The following PHB2 variants were observed in gnomAD, a reference collection of about 807,000 sequenced individuals.
The protein encoded by PHB2 is prohibitin 2, also known as prohibitin-2.
In PHB2, 22 loss-of-function variants were observed where a neutral mutation model predicts 46.4. That is an observed-to-expected ratio of 0.47 (90% confidence interval 0.34 to 0.68). The LOEUF (loss-of-function observed/expected upper bound fraction) is 0.68, where lower values mean the gene tolerates loss of function less well. Among genes scored for constraint, PHB2 ranks in the 30% least tolerant of loss-of-function variants. PHB2 has a pLI of 0.01. For missense variants in PHB2, 305 were observed against 382.8 expected, an observed-to-expected ratio of 0.80 and a Z score of 1.70; for synonymous variants, 156 against 150.5, an observed-to-expected ratio of 1.04 and a Z score of -0.27.
At position 6,968,568 on chromosome 12, in the gene PHB2, C is replaced by T; in HGVS notation, c.320G>A (p.Arg107Gln). The T allele has an allele frequency of 6.2e-7, 1 of 1,613,748 alleles. No homozygotes were observed. Among genetic ancestry groups the T allele is most frequent in the Non-Finnish European group, 8.5e-7 (1 of 1,179,790 alleles). ...KDLQMVNISL[R>Q]VLSRPNAQEL... The stretch of plus-strand genomic sequence containing the variant: ...CTGAGCATTGGGTCGAGACAACACT[C>T]GCAGGGAGATATTCACCATCTGTAG... Residue 107 changes from arginine (R) to glutamine (Q), a missense_variant, in exon 4 of 10, where the codon CGA (arginine) becomes CAA (glutamine). Coordinates refer to ENST00000535923, the MANE Select transcript of PHB2 (RefSeq NM_001144831.2).
At chr12:6,966,340 G>T in intron 8 of PHB2, 84 bp downstream of exon 8, 1 of 845,882 alleles carries the variant, frequency 1.2e-6, no homozygotes, top group Non-Finnish European at 2.1e-6. Context: ...CATATGAATA[G>T]CTGTAGCAGG....
In PHB2 at chr12:6,965,631, A is replaced by G. The variant is rs1946198747; in HGVS notation, c.*54T>C. On this transcript the variant is annotated 3_prime_UTR_variant, in exon 10 of 10. Transcript: ENST00000535923. ...GCTGGACCCCTGGCTGGCTCCTCAA[A>G]AACTGGAGAAGCAGATCCACTTCCT... 5.2e-6 allele frequency: 8 copies of G among 1,540,814 alleles called. No homozygotes were observed. The highest frequency in any genetic ancestry group is 7.1e-6 in the Non-Finnish European group (8 of 1,119,076).
intron 1 of PHB2, 24 bp from the exon 2 acceptor site, chr12:6,970,304 A>G (rs1946299393): frequency 6.2e-7 from 1 of 1,610,822 alleles, no homozygotes; most frequent in Admixed American, 1.7e-5. Context: ...GGTGGTGATC[A>G]GGCCAGGCCG....
rs782220124 is a variant in PHB2 at position 6,970,199 on chromosome 12, A to C, written c.209T>G (p.Phe70Cys). 1 of 1,612,380 alleles carries C rather than the reference A, an allele frequency of 6.2e-7. No individual in the cohort carries two copies. The highest frequency in any genetic ancestry group is 8.5e-7 in the Non-Finnish European group (1 of 1,178,642). Residue 70 changes from phenylalanine (F) to cysteine (C), a missense_variant, in exon 2 of 10, where the codon TTC becomes TGC. Physicochemically the swap from Phe to Cys is radical, Grantham distance 205. Transcript: ENST00000535923. ...AGCAGGCTCTGCCCGCCATTACCTG[A>C]AGTGAAGGCCCTCGGCCAGGATAGT... is the stretch of plus-strand genomic sequence containing the variant. ...QDTILAEGLH[F>C]RIPWFQYPII... is the part of the protein sequence containing the mutation.
chr12:6,969,935 C>G lies in PHB2; in HGVS notation c.212+261G>C, dbSNP rs1001818135. On this transcript the variant is annotated intron_variant, in intron 2 of 9. Transcript: ENST00000535923. ...AAAGAAAAGGCCGCAGTTTCACTAG[C>G]CTTGCCCGGTTTCCCCTCACCACGC... The G allele has an allele frequency of 2.2e-5, 15 of 686,694 alleles. No homozygotes were observed. In the African/African-American group the frequency reaches 2.6e-4, roughly 12 times the overall value. The allele number at this position is 686,694 out of a possible 1,614,324, so 42.5% of individuals were successfully genotyped here.
In PHB2 at chr12:6,968,566, C is replaced by G; in HGVS notation, c.322G>C (p.Val108Leu). The change falls in exon 4 of 10, where the codon GTG becomes CTG. Residue 108 changes from valine to leucine, a missense_variant. By Grantham distance (32) the Val-to-Leu change is conservative. Transcript: ENST00000535923. ...TCCTGAGCATTGGGTCGAGACAACA[C>G]TCGCAGGGAGATATTCACCATCTGT... ...DLQMVNISLR[V>L]LSRPNAQELP... is the part of the protein sequence containing the mutation. 1 of 1,613,830 alleles carries G rather than the reference C, an allele frequency of 6.2e-7. No individual in the cohort carries two copies. The highest frequency in any genetic ancestry group is 8.5e-7 in the Non-Finnish European group (1 of 1,179,826).
Position 6,970,608 on chromosome 12 carries a change from C to A in PHB2, c.-65G>T. Reference sequence around the variant, plus strand: ...GGTGCCGGCCCGCCTCTACCCCGCTCCGGCTTAGGTACTGCACCCTTCACA... The same window carrying A: ...GGTGCCGGCCCGCCTCTACCCCGCTACGGCTTAGGTACTGCACCCTTCACA... On this transcript the variant is annotated 5_prime_UTR_variant, in exon 1 of 10. Coordinates refer to ENST00000535923, the MANE Select transcript of PHB2 (RefSeq NM_001144831.2). 1 of 1,541,206 alleles carries A rather than the reference C, an allele frequency of 6.5e-7. No individual in the cohort carries two copies. Among genetic ancestry groups the A allele is most frequent in the Non-Finnish European group, 8.7e-7 (1 of 1,147,280 alleles).
Position 6,968,535 on chromosome 12 carries a change from G to A in PHB2, c.353C>T (p.Pro118Leu). Residue 118 changes from proline (P) to leucine (L), a missense_variant, in exon 4 of 10, where the codon CCT becomes CTT. Pro to Leu is a moderately conservative substitution (Grantham distance 98). Coordinates refer to ENST00000535923, the MANE Select transcript of PHB2 (RefSeq NM_001144831.2). The stretch of plus-strand genomic sequence containing the variant: ...CAGCCCTAGGCGCTGGTACATGCTA[G>A]GAAGCTCCTGAGCATTGGGTCGAGA... ...VLSRPNAQEL[P>L]SMYQRLGLDY... 1.9e-6 allele frequency: 3 copies of A among 1,613,496 alleles called. No individual in the cohort carries two copies. The highest frequency in any genetic ancestry group is 2.5e-6 in the Non-Finnish European group (3 of 1,179,582).
chr12:6,969,263 A>T (rs1303348562), intron 3 of PHB2, among the ~76,000 whole-genome samples: 3 of 152,252 alleles, frequency 2.0e-5, no homozygotes, highest in Non-Finnish European at 4.4e-5. Context: ...GAACAAGACG[A>T]GGGACAAACA....
rs1309955572 is a variant in PHB2, at chr12:6,970,441, C to A, written c.103G>T (p.Gly35Cys). The A allele has an allele frequency of 1.2e-6, 2 of 1,603,946 alleles. No homozygotes were observed. The highest frequency in any genetic ancestry group is 1.7e-6 in the Non-Finnish European group (2 of 1,179,630). The stretch of plus-strand genomic sequence containing the variant: ...CCGGTGAACACAGATTCGCGCACAC[C>A]GTAGGCCACGGCGCCGGCCCCCAGC... ...LLLGAGAVAY[G>C]VRESVFTVEG... Residue 35 changes from glycine (G) to cysteine (C), a missense_variant, in exon 1 of 10, where the codon GGT becomes TGT. By Grantham distance (159) the Gly-to-Cys change is radical. Around this residue, in one of 3 missense-constraint regions of PHB2, gnomAD observed 60 missense variants for 61.0 expected, o/e 0.98. Coordinates refer to ENST00000535923, the MANE Select transcript of PHB2 (RefSeq NM_001144831.2).
At chr12:6,968,821 T>C in intron 3 of PHB2, 1 of 565,658 alleles carries the variant, frequency 1.8e-6, no homozygotes, top group East Asian at 3.3e-5. Flanking sequence ...CCAGCAGAGC[T>C]GACTACTCTT....
In PHB2 at chr12:6,969,756, G is replaced by A. The variant is rs1214660945; in HGVS notation, c.213-179C>T. On this transcript the variant is annotated intron_variant, in intron 2 of 9. Transcript: ENST00000535923. Reference sequence around the variant, plus strand: ...CTCTACTAAAATACAAAAATTAGCCGGGCGTGGTGGCGGGCGCCTGTAATC... The same window carrying A: ...CTCTACTAAAATACAAAAATTAGCCAGGCGTGGTGGCGGGCGCCTGTAATC... Among the ~76,000 whole-genome samples the A allele has an allele frequency of 3.3e-5, 5 of 152,140 alleles. No homozygotes were observed. The East Asian group carries it at 7.7e-4, about 23-fold the overall frequency.
Position 6,965,618 on chromosome 12 carries a change from G to T in PHB2, c.*67C>A. ...GGGGTAGGGCTGTGCTGGACCCCTG[G>T]CTGGCTCCTCAAAAACTGGAGAAGC... On this transcript the variant is annotated 3_prime_UTR_variant, in exon 10 of 10. Coordinates refer to ENST00000535923, the MANE Select transcript of PHB2 (RefSeq NM_001144831.2). 2 of 1,357,162 alleles carry T rather than the reference G, an allele frequency of 1.5e-6. No individual in the cohort carries two copies. Among genetic ancestry groups the T allele is most frequent in the Non-Finnish European group, 2.1e-6 (2 of 955,838 alleles). The allele number at this position is 1,357,162 out of a possible 1,614,324, so 84.1% of individuals were successfully genotyped here.
Position 6,965,408 on chromosome 12 carries a change from C to T in PHB2, c.*277G>A, listed in dbSNP as rs1222784391. Reference sequence around the variant, plus strand: ...TTCCTGGGTTGGTGTTTATCTCCTCCCAGCCTTGAGGGAGGGAACAACACT... The same window carrying T: ...TTCCTGGGTTGGTGTTTATCTCCTCTCAGCCTTGAGGGAGGGAACAACACT... On this transcript the variant is annotated 3_prime_UTR_variant, in exon 10 of 10. Coordinates refer to ENST00000535923, the MANE Select transcript of PHB2 (RefSeq NM_001144831.2). The T allele has an allele frequency of 2.3e-5, 12 of 525,652 alleles. No homozygotes were observed. The Admixed American group carries it at 3.8e-4, about 16-fold the overall frequency. 32.6% of individuals were successfully genotyped at this position (525,652 alleles called of 1,614,324 possible).
chr12:6,967,269 C>T lies in PHB2; in HGVS notation c.712-21G>A, dbSNP rs781937221. 8.9e-5 allele frequency: 144 copies of T among 1,613,442 alleles called. No homozygotes were observed. Among genetic ancestry groups the T allele is most frequent in the Middle Eastern group, 1.6e-4 (1 of 6,084 alleles). On this transcript the variant is annotated intron_variant, in intron 6 of 9. Coordinates refer to ENST00000535923, the MANE Select transcript of PHB2 (RefSeq NM_001144831.2). The surrounding 1 kb of genome is among the most constrained non-coding windows in gnomAD (Gnocchi z 4.9). ...CCAAGGTGAGGAGGGTTAAGGTACA[C>T]GCAAGGGCAGGTCTCAATCCCTGGC...
rs1192142062 is a variant in PHB2, at chr12:6,970,525, C to G, written c.19G>C (p.Asp7His). Residue 7 changes from aspartate to histidine, a missense_variant, in exon 1 of 10, where the codon GAC becomes CAC. Physicochemically the swap from Asp to His is moderately conservative, Grantham distance 81. This residue lies in a region of PHB2 where 60 missense variants were observed against 61.0 expected (regional missense o/e 0.98). Transcript: ENST00000535923. Reference sequence around the variant, plus strand: ...CCGGCGGGCAGCCGTCCCGCCAAGTCCTTCAAGTTCTGGGCCATGTCTGAT... The same window carrying G: ...CCGGCGGGCAGCCGTCCCGCCAAGTGCTTCAAGTTCTGGGCCATGTCTGAT... Reference protein sequence around the residue: MAQNLKDLAGRLPAGPR... With the variant: MAQNLKHLAGRLPAGPR... 1 of 1,604,088 alleles carries G rather than the reference C, an allele frequency of 6.2e-7. No individual in the cohort carries two copies. Among genetic ancestry groups the G allele is most frequent in the Non-Finnish European group, 8.5e-7 (1 of 1,178,034 alleles).
rs1204067943 is a variant in PHB2 at position 6,966,481 on chromosome 12, C to T, written c.809G>A (p.Arg270His). The T allele has an allele frequency of 1.1e-5, 18 of 1,609,702 alleles. No individual in the cohort carries two copies. Among genetic ancestry groups the T allele is most frequent in the Middle Eastern group, 1.6e-4 (1 of 6,074 alleles). Residue 270 changes from arginine to histidine, a missense_variant, in exon 8 of 10, where the codon CGT becomes CAT. Around this residue, in one of 3 missense-constraint regions of PHB2, gnomAD observed 241 missense variants for 302.7 expected, o/e 0.80. Transcript: ENST00000535923. ...AAGGTTGTCAGCTGTGAGATAGATACGATTCTGTGATGTGGCGATCTACAG... is the reference window on the plus strand; with the variant it reads ...AAGGTTGTCAGCTGTGAGATAGATATGATTCTGTGATGTGGCGATCTACAG... ...ISKTIATSQN[R>H]IYLTADNLVL... is the part of the protein sequence containing the mutation.
Position 6,967,641 on chromosome 12 carries a change from G to C in PHB2, c.711+35C>G. ...GAGAATGGGGAACTCAGGTGCCCTAGGGGCTGGGCTGAGATCTCTCCAGCA... is the reference window on the plus strand; with the variant it reads ...GAGAATGGGGAACTCAGGTGCCCTACGGGCTGGGCTGAGATCTCTCCAGCA... On this transcript the variant is annotated intron_variant, in intron 6 of 9. Coordinates refer to ENST00000535923, the MANE Select transcript of PHB2 (RefSeq NM_001144831.2). This position sits in a 1 kb window ranked among gnomAD's most constrained non-coding sequence, Gnocchi z 4.9. 1 of 1,545,966 alleles carries C rather than the reference G, an allele frequency of 6.5e-7. No homozygotes were observed. The highest frequency in any genetic ancestry group is 8.9e-7 in the Non-Finnish European group (1 of 1,118,988).
chr12:6,968,497 G>A lies in PHB2; in HGVS notation c.391C>T (p.Arg131Ter), dbSNP rs782322400. 3.1e-6 allele frequency: 5 copies of A among 1,613,340 alleles called. No homozygotes were observed. Among genetic ancestry groups the A allele is most frequent in the African/African-American group, 1.3e-5 (1 of 75,010 alleles). The change falls in exon 4 of 10, where the codon CGA (arginine) becomes TGA (stop). Residue 131 changes from arginine (R) to a stop codon, truncating the protein, a stop_gained. Transcript: ENST00000535923. LOFTEE classifies it high-confidence loss of function. The part of the protein sequence containing the change: ...YQRLGLDYEE[R>*]VLPSIVNEVL... Reference sequence around the variant, plus strand: ...TCGTTGACAATGGACGGCAACACTCGTTCCTCGTAGTCCAGCCCTAGGCGC... The same window carrying A: ...TCGTTGACAATGGACGGCAACACTCATTCCTCGTAGTCCAGCCCTAGGCGC...
Sources: gnomAD v4.1 joint callset for allele counts (sites outside exome capture counted in the v4.1 genomes callset) on GRCh38, gnomAD v4.1.1 for gene constraint, gnomAD v4.1.1 regional missense constraint, Gnocchi (gnomAD v3.1) non-coding constraint, MANE v1.5 for transcripts, NCBI Gene and HGNC (gene_info 2026-07-23, HGNC 2026-07-21) for gene names.